The following LCT variants were observed in gnomAD, a reference collection of about 807,000 sequenced individuals.
The protein encoded by LCT is lactase.
Under a neutral mutation model 173.0 loss-of-function variants are expected in LCT, and 90 were observed. That is an observed-to-expected ratio of 0.52 (90% CI 0.44 to 0.62). The LOEUF (loss-of-function observed/expected upper bound fraction) is 0.62. LCT is among the 20% of genes least tolerant of loss of function. The pLI is 0.00. For synonymous variants in LCT, 853 were observed against 957.6 expected (o/e 0.89, Z 2.02); for missense variants, 1,864 against 2,431.4 (o/e 0.77, Z 4.91).
rs749948532 is a variant in LCT, at chr2:135,800,750, G to A, written c.4723C>T (p.His1575Tyr). 2.5e-6 allele frequency: 4 copies of A among 1,614,174 alleles called. No individual in the cohort carries two copies. Among genetic ancestry groups the A allele is most frequent in the Non-Finnish European group, 1.7e-6 (2 of 1,180,036 alleles). Residue 1575 changes from histidine to tyrosine, a missense_variant, in exon 12 of 17, where the codon CAT becomes TAT. His to Tyr is a moderately conservative substitution (Grantham distance 83). Coordinates refer to ENST00000264162, the MANE Select transcript of LCT (RefSeq NM_002299.4). The part of the protein sequence containing the change: ...YIVGHNLIKA[H>Y]AEAWHLYNDV... ...TTGTACAGATGCCAGGCCTCAGCAT[G>A]AGCCTTTATTAGATTGTGGCCAACA... is the stretch of plus-strand genomic sequence containing the variant.
chr2:135,797,644 A>G (rs1315701533), intron 13 of LCT, among the ~76,000 whole-genome samples: 2 of 152,274 alleles, frequency 1.3e-5, no homozygotes, highest in African/African-American at 2.4e-5. Flanking sequence ...GTAAGGAAGG[A>G]CGCTTTGGTG....
At position 135,817,855 on chromosome 2, in the gene LCT, T is replaced by TC; in HGVS notation, c.1192dup (p.Glu398GlyfsTer24). 2.5e-6 allele frequency: 4 copies of TC among 1,614,022 alleles called. No individual in the cohort carries two copies. The highest frequency in any genetic ancestry group is 3.4e-6 in the Non-Finnish European group (4 of 1,180,012). On this transcript the variant is annotated frameshift_variant, in exon 6 of 17. Transcript: ENST00000264162. LOFTEE classifies it high-confidence loss of function. ...TCTCCCACCCTCGGCCCAGCCTCCT[T>TC]CCACGTTAAAGGCTCCTGTGGAGGC...
Position 135,837,149 on chromosome 2 carries a change from T to A in LCT, c.21A>T (p.Val7=). The change falls in exon 1 of 17, where the codon GTA becomes GTT. Residue 7 remains valine, a synonymous_variant. Coordinates refer to ENST00000264162, the MANE Select transcript of LCT (RefSeq NM_002299.4). ...AAAAACTTAGCAGGGCAATAAAGAC[T>A]ACATGCCAAGACAGCTCCATTTTCT... MELSWH[V]VFIALLSFSC... 1 of 1,613,624 alleles carries A rather than the reference T, an allele frequency of 6.2e-7. No individual in the cohort carries two copies.
chr2:135,824,052 T>G (rs749187607), intron 3 of LCT, 49 bp from the exon 4 acceptor site: 1 of 1,226,170 alleles, frequency 8.2e-7, no homozygotes. Flanking sequence ...CTGGAAAGCA[T>G]CTTGATAACA....
At chr2:135,806,492 A>C (rs1364080265) in intron 9 of LCT, among the ~76,000 whole-genome samples, 1 of 151,902 alleles carries the variant, frequency 6.6e-6, no homozygotes, top group Non-Finnish European at 1.5e-5. Context: ...CCATTCACTC[A>C]CCCCTCACCC....
chr2:135,808,928 A>G lies in LCT; in HGVS notation c.3419T>C (p.Val1140Ala). Residue 1140 changes from valine to alanine, a missense_variant, in exon 8 of 17, where the codon GTG becomes GCG. By Grantham distance (64) the Val-to-Ala change is moderately conservative (BLOSUM62 0). Coordinates refer to ENST00000264162, the MANE Select transcript of LCT (RefSeq NM_002299.4). The part of the protein sequence containing the change: ...EPKSPGVPRD[V>A]EAADRMLQFS... ...CTGCAGCATTCGGTCAGCGGCTTCC[A>G]CATCTCTGGGGACCCCTGGTGACTT... 1 of 1,614,192 alleles carries G rather than the reference A, an allele frequency of 6.2e-7. No homozygotes were observed. Among genetic ancestry groups the G allele is most frequent in the Non-Finnish European group, 8.5e-7 (1 of 1,180,016 alleles).
chr2:135,836,725 C>A lies in LCT; in HGVS notation c.445G>T (p.Asp149Tyr), dbSNP rs1451370043. The change falls in exon 1 of 17, where the codon GAC becomes TAC. Residue 149 changes from aspartate (D) to tyrosine (Y), a missense_variant. Physicochemically the swap from Asp to Tyr is radical, Grantham distance 160. Around this residue, in one of 4 missense-constraint regions of LCT, gnomAD observed 412 missense variants for 462.0 expected, o/e 0.89. Transcript: ENST00000264162. ...AATGTGGCATAGTCGGCGAAGAGGT[C>A]AGCAAAGGCTTCGGTTCTCCGGAGG... Reference protein sequence around the residue: ...STLRRTEAFADLFADYATFAF... With the variant: ...STLRRTEAFAYLFADYATFAF... 6.2e-7 allele frequency: 1 copy of A among 1,614,164 alleles called. No individual in the cohort carries two copies.
At position 135,789,894 on chromosome 2, in the gene LCT, A is replaced by G. The variant is rs965798445; in HGVS notation, c.5336-96T>C. 4 of 924,052 alleles carry G rather than the reference A, an allele frequency of 4.3e-6. No homozygotes were observed. In the Admixed American group the frequency reaches 5.2e-5, roughly 12 times the overall value. The allele number at this position is 924,052 out of a possible 1,614,324, so 57.2% of individuals were successfully genotyped here. ...GCCAGGTCTGCCTACTGCTCTCCCC[A>G]CCGCCTTCACAGATGGCGGTAAGCT... On this transcript the variant is annotated intron_variant, in intron 15 of 16. Coordinates refer to ENST00000264162, the MANE Select transcript of LCT (RefSeq NM_002299.4).
In LCT at chr2:135,803,972, C is replaced by T. The variant is rs1183967127; in HGVS notation, c.4621G>A (p.Val1541Ile). The stretch of plus-strand genomic sequence containing the variant: ...TAGCCATAGCCCTGGTAAGCAATGA[C>T]AAAGGGCTCATTCAGCGTGATCCAA... ...KFWITLNEPF[V>I]IAYQGYGYGT... Residue 1541 changes from valine (V) to isoleucine (I), a missense_variant, in exon 11 of 17, where the codon GTC becomes ATC. Val to Ile is a conservative substitution (Grantham distance 29). Coordinates refer to ENST00000264162, the MANE Select transcript of LCT (RefSeq NM_002299.4). 6.2e-7 allele frequency: 1 copy of T among 1,614,052 alleles called. No homozygotes were observed. The highest frequency in any genetic ancestry group is 8.5e-7 in the Non-Finnish European group (1 of 1,180,040).
intron 5 of LCT, among the ~76,000 whole-genome samples, chr2:135,818,706 G>T (rs1039119499): frequency 6.6e-6 from 1 of 152,142 alleles, no homozygotes; most frequent in Non-Finnish European, 1.5e-5. Flanking sequence ...GCGTGGTGGT[G>T]GGGGCCTGTA....
intron 13 of LCT, among the ~76,000 whole-genome samples, chr2:135,795,604 C>CTAATAATTATTA (rs57023267): frequency 1.1e-4 from 16 of 146,050 alleles, no homozygotes; most frequent in South Asian, 8.6e-4. Flanking sequence ...TTCTCCAACT[C>CTAATAATTATTA]TAATAATAAT....
At chr2:135,788,658 G>T (rs2077511258) in intron 16 of LCT, 114 bp from the exon 17 acceptor site, 1 of 757,304 alleles carries the variant, frequency 1.3e-6, no homozygotes, top group Non-Finnish European at 2.4e-6. Context: ...CCATTGACGG[G>T]ATGCCGAGGT....
chr2:135,789,289 A>G (rs1013442441), intron 16 of LCT, among the ~76,000 whole-genome samples: 7 of 152,206 alleles, frequency 4.6e-5, no homozygotes, highest in African/African-American at 1.7e-4. Context: ...TTTCTTATCT[A>G]TGAGTGCACA....
rs188009085 is a variant in LCT at position 135,832,659 on chromosome 2, A to T, written c.720+452T>A. 5.9e-4 allele frequency among the ~76,000 whole-genome samples: 90 copies of T among 151,578 alleles called. 1 individual carries two copies. Among genetic ancestry groups the T allele is most frequent in the African/African-American group, 2.1e-3 (85 of 41,376 alleles). ...ATCACCATGCCTTGCTAATTTTTGTATTTTTAGCAAAGAAGGAGTTTTGCC... is the reference window on the plus strand; with the variant it reads ...ATCACCATGCCTTGCTAATTTTTGTTTTTTTAGCAAAGAAGGAGTTTTGCC... On this transcript the variant is annotated intron_variant, in intron 2 of 16. Transcript: ENST00000264162.
intron 6 of LCT, among the ~76,000 whole-genome samples, chr2:135,814,873 C>G (rs1009192839): frequency 6.6e-6 from 1 of 151,922 alleles, no homozygotes; most frequent in African/African-American, 2.4e-5. Flanking sequence ...GAATTAGTTC[C>G]CCCATCAAAA....
chr2:135,815,682 G>A (rs1575342480), intron 6 of LCT, among the ~76,000 whole-genome samples: 1 of 150,710 alleles, frequency 6.6e-6, no homozygotes, highest in African/African-American at 2.4e-5. Context: ...ACAGGAAATA[G>A]TATTATTATT....
chr2:135,802,538 A>C (rs2077635474), intron 11 of LCT, among the ~76,000 whole-genome samples: 1 of 152,230 alleles, frequency 6.6e-6, no homozygotes, highest in African/African-American at 2.4e-5. Context: ...GCCATAAAGA[A>C]GGATGAATCT....
chr2:135,795,353 G>C (rs954237917), intron 13 of LCT, among the ~76,000 whole-genome samples: 1 of 151,858 alleles, frequency 6.6e-6, no homozygotes, highest in Non-Finnish European at 1.5e-5. Context: ...GACTACAAGC[G>C]CCTGCCACAA....
chr2:135,800,713 C>T lies in LCT; in HGVS notation c.4760G>A (p.Arg1587His), dbSNP rs146614143. The change falls in exon 12 of 17, where the codon CGC becomes CAC. Residue 1587 changes from arginine to histidine, a missense_variant. This residue lies in a region of LCT where 514 missense variants were observed against 750.1 expected (regional missense o/e 0.69). Coordinates refer to ENST00000264162, the MANE Select transcript of LCT (RefSeq NM_002299.4). ...EAWHLYNDVY[R>H]ASQGGVISIT... is the part of the protein sequence containing the mutation. ...GGAAATCACGCCACCTTGACTGGCGCGGTACACATCGTTGTACAGATGCCA... is the reference window on the plus strand; with the variant it reads ...GGAAATCACGCCACCTTGACTGGCGTGGTACACATCGTTGTACAGATGCCA... 55 of 1,613,858 alleles carry T rather than the reference C, an allele frequency of 3.4e-5. No homozygotes were observed. Among genetic ancestry groups the T allele is most frequent in the Non-Finnish European group, 4.2e-5 (49 of 1,179,984 alleles).
Sources: allele counts gnomAD v4.1 joint callset (sites outside exome capture counted in the v4.1 genomes callset), GRCh38; gene constraint gnomAD v4.1.1; regional missense constraint gnomAD v4.1.1; transcripts MANE v1.5; gene names NCBI Gene and HGNC (gene_info 2026-07-23, HGNC 2026-07-21).